Variants in ARSB observed in about 807,000 individuals in gnomAD.
ARSB encodes arylsulfatase B, also known as N-acetylgalactosamine-4-sulfatase.
Under a neutral mutation model 50.9 loss-of-function variants are expected in ARSB, and 41 were observed. That is an observed-to-expected ratio of 0.81 (90% CI 0.63 to 1.04). The LOEUF (loss-of-function observed/expected upper bound fraction) is 1.04, where lower values mean the gene tolerates loss of function less well. Among genes scored for constraint, ARSB ranks in the 50% least tolerant of loss-of-function variants. The pLI is 0.00. For synonymous variants in ARSB, 269 were observed against 284.8 expected (o/e 0.94, Z 0.56); for missense variants, 672 against 693.3 (o/e 0.97, Z 0.35).
chr5:78,860,590 C>T (rs1746384670), intron 5 of ARSB, among the ~76,000 whole-genome samples: 1 of 152,144 alleles, frequency 6.6e-6, no homozygotes, highest in Non-Finnish European at 1.5e-5. Flanking sequence ...ATACCAGAAC[C>T]TCTGGGACAC....
At chr5:78,838,979 G>T (rs926014116) in intron 6 of ARSB, among the ~76,000 whole-genome samples, 1 of 152,206 alleles carries the variant, frequency 6.6e-6, no homozygotes, top group African/African-American at 2.4e-5. Flanking sequence ...ATCTGACTGT[G>T]AGTTTTCTGG....
At chr5:78,832,889 G>A (rs112677172) in intron 6 of ARSB, among the ~76,000 whole-genome samples, 10 of 152,198 alleles carry the variant, frequency 6.6e-5, no homozygotes, top group African/African-American at 1.2e-4. Flanking sequence ...CTGTGTGTGC[G>A]TACGTTTTAA....
intron 4 of ARSB, among the ~76,000 whole-genome samples, chr5:78,930,726 T>C (rs1465120987): frequency 2.0e-5 from 3 of 152,266 alleles, no homozygotes; most frequent in African/African-American, 7.2e-5. Context: ...GTTGATGCTT[T>C]GTACCTAACT....
chr5:78,853,097 T>C (rs947781984), intron 5 of ARSB, among the ~76,000 whole-genome samples: 3 of 152,270 alleles, frequency 2.0e-5, no homozygotes, highest in East Asian at 1.9e-4. Context: ...CCGTTGCTGG[T>C]GTGGAACTGC....
intron 1 of ARSB, among the ~76,000 whole-genome samples, chr5:78,970,082 C>CAGCAACTAAACTTTA (rs1355324404): frequency 6.6e-6 from 1 of 152,184 alleles, no homozygotes; most frequent in East Asian, 1.9e-4. Context: ...AAGGTCCATA[C>CAGCAACTAAACTTTA]AGCAACTAAA....
chr5:78,926,477 C>T (rs1426793559), intron 4 of ARSB, among the ~76,000 whole-genome samples: 1 of 151,992 alleles, frequency 6.6e-6, no homozygotes, highest in Non-Finnish European at 1.5e-5. Context: ...CAACCCCAGT[C>T]TTATGCAACC....
chr5:78,865,110 AG>A (rs56143814), intron 5 of ARSB, among the ~76,000 whole-genome samples: 1 of 151,838 alleles, frequency 6.6e-6, no homozygotes, highest in Admixed American at 6.6e-5. Context: ...CAGCTCCACT[AG>A]GACTCCGTAT....
At position 78,916,995 on chromosome 5, in the gene ARSB, A is replaced by T. The variant is rs193274422; in HGVS notation, c.899-31168T>A. Among the ~76,000 whole-genome samples, 3 of 152,324 alleles carry T rather than the reference A, an allele frequency of 2.0e-5. No homozygotes were observed. The East Asian group carries it at 5.8e-4, about 29-fold the overall frequency. ...GAAAGCAAATAATAAACGTTGAGAG[A>T]ATTCCCACTGTGGTGAGTGCCAGGA... On this transcript the variant is annotated intron_variant, in intron 4 of 7. Transcript: ENST00000264914.
chr5:78,975,525 A>G (rs1469212729), intron 1 of ARSB, among the ~76,000 whole-genome samples: 1 of 152,180 alleles, frequency 6.6e-6, no homozygotes, highest in Non-Finnish European at 1.5e-5. Flanking sequence ...CATTGCTTCT[A>G]TTCTGTGCCA....
intron 4 of ARSB, among the ~76,000 whole-genome samples, chr5:78,910,040 A>G (rs1179181221): frequency 1.3e-5 from 2 of 152,256 alleles, no homozygotes; most frequent in Non-Finnish European, 2.9e-5. Flanking sequence ...TGTGGCCTAC[A>G]TGCACATCCA....
intron 6 of ARSB, among the ~76,000 whole-genome samples, chr5:78,824,269 T>G (rs1744346598): frequency 6.6e-6 from 1 of 152,216 alleles, no homozygotes; most frequent in African/African-American, 2.4e-5. Context: ...CTAATACAAT[T>G]TATAAAACAG....
intron 2 of ARSB, 51 bp from the exon 3 acceptor site, chr5:78,964,657 C>G: frequency 6.5e-7 from 1 of 1,549,270 alleles, no homozygotes. Flanking sequence ...ACTTGTTAAA[C>G]AAACTAATGT....
chr5:78,799,230 G>A (rs985125736), intron 6 of ARSB, among the ~76,000 whole-genome samples: 2 of 152,178 alleles, frequency 1.3e-5, no homozygotes, highest in Non-Finnish European at 2.9e-5. Flanking sequence ...CAGCTTCAGA[G>A]GGCACCCGCC....
intron 4 of ARSB, among the ~76,000 whole-genome samples, chr5:78,951,701 C>T (rs1414073384): frequency 6.6e-6 from 1 of 152,068 alleles, no homozygotes; most frequent in Non-Finnish European, 1.5e-5. Context: ...AAATTAATTT[C>T]AAAACATTTT....
chr5:78,924,726 C>A (rs773119633), intron 4 of ARSB, among the ~76,000 whole-genome samples: 4 of 152,142 alleles, frequency 2.6e-5, no homozygotes, highest in Admixed American at 2.6e-4. Context: ...CAAGTTCCTA[C>A]GATGAGCAAT....
chr5:78,985,340 C>T (rs934060547), upstream of ARSB: 4 of 1,167,308 alleles, frequency 3.4e-6, no homozygotes, highest in African/African-American at 6.4e-5. Context: ...GCCTGCTCCG[C>T]CCCGGCGCGG....
intron 6 of ARSB, among the ~76,000 whole-genome samples, chr5:78,783,089 A>T (rs1317113298): frequency 2.0e-5 from 3 of 152,194 alleles, no homozygotes; most frequent in Non-Finnish European, 1.5e-5. Context: ...GTTGAGGCCT[A>T]GCTGAATAAC....
At chr5:78,912,401 G>A (rs1266455052) in intron 4 of ARSB, among the ~76,000 whole-genome samples, 7 of 152,194 alleles carry the variant, frequency 4.6e-5, no homozygotes, top group Non-Finnish European at 1.0e-4. Context: ...CCCACAGCTC[G>A]TCTGTAACTC....
intron 4 of ARSB, among the ~76,000 whole-genome samples, chr5:78,896,786 A>G (rs1748584081): frequency 6.6e-6 from 1 of 152,222 alleles, no homozygotes; most frequent in South Asian, 2.1e-4. Flanking sequence ...CAAATCTAAC[A>G]TCCCCACCCT....
Sources: gnomAD v4.1 joint callset for allele counts (sites outside exome capture counted in the v4.1 genomes callset) on GRCh38, gnomAD v4.1.1 for gene constraint, MANE v1.5 for transcripts, NCBI Gene and HGNC (gene_info 2026-07-23, HGNC 2026-07-21) for gene names.